SCTR: variants seen among roughly 807,000 people sequenced by gnomAD.
SCTR encodes pancreatic secretin receptor.
A neutral mutation model predicts 60.8 loss-of-function variants in SCTR; 56 were observed. The observed-to-expected ratio is 0.92, with a 90% confidence interval of 0.74 to 1.15. SCTR has a LOEUF of 1.15. Ranked by LOEUF, SCTR falls within the 50% of genes most tolerant of loss-of-function variation. The pLI, the probability that SCTR is intolerant of heterozygous loss-of-function variation, is 0.00. For synonymous variants in SCTR, 202 were observed against 217.0 expected, an observed-to-expected ratio of 0.93 and a Z score of 0.61; for missense variants, 562 against 550.4, an observed-to-expected ratio of 1.02 and a Z score of -0.21.
At chr2:119,468,516 G>A (rs571503765) in intron 4 of SCTR, among the ~76,000 whole-genome samples, 1 of 152,350 alleles carries the variant, frequency 6.6e-6, no homozygotes, top group Admixed American at 6.5e-5. Context: ...CTTGTTGGAA[G>A]AACAAATACA....
At chr2:119,499,992 C>T (rs1678481169) in intron 1 of SCTR, among the ~76,000 whole-genome samples, 2 of 151,998 alleles carry the variant, frequency 1.3e-5, no homozygotes, top group Admixed American at 1.3e-4. Flanking sequence ...ACTCAGACAA[C>T]TCAATAGCAA....
chr2:119,496,607 C>G (rs1678356886), intron 1 of SCTR, among the ~76,000 whole-genome samples: 1 of 152,154 alleles, frequency 6.6e-6, no homozygotes, highest in South Asian at 2.1e-4. Flanking sequence ...GGCCCTGGAG[C>G]CCAAGAATGA....
intron 6 of SCTR, 45 bp from the exon 7 acceptor site, chr2:119,462,045 G>A (rs1255891262): frequency 6.4e-7 from 1 of 1,565,486 alleles, no homozygotes; most frequent in African/African-American, 1.4e-5. Context: ...TGGCAGTGGG[G>A]TTCCCTCTGG....
chr2:119,518,158 G>A (rs1187518157), intron 1 of SCTR, among the ~76,000 whole-genome samples: 4 of 152,112 alleles, frequency 2.6e-5, no homozygotes, highest in Non-Finnish European at 4.4e-5. Context: ...CCAGAACCGC[G>A]AGATTAATTT....
At chr2:119,520,810 C>A (rs891994793) in intron 1 of SCTR, among the ~76,000 whole-genome samples, 1 of 152,124 alleles carries the variant, frequency 6.6e-6, no homozygotes, top group Non-Finnish European at 1.5e-5. Context: ...GACTCAGATG[C>A]CGTATCACCA....
At chr2:119,511,141 T>G (rs1172912694) in intron 1 of SCTR, among the ~76,000 whole-genome samples, 1 of 152,054 alleles carries the variant, frequency 6.6e-6, no homozygotes, top group East Asian at 1.9e-4. Context: ...AGGCAGAGCT[T>G]GCAGTGAGCC....
In SCTR at chr2:119,444,440, T is replaced by TATATATACGTACGTATATATATACAC. The variant is rs1558831332; in HGVS notation, c.1140+2293_1140+2318dup. ...ACCCATATACGTATGAATATACACA[T>TATATATACGTACGTATATATATACAC]ATATATACGTACGTATATATATACA... On this transcript the variant is annotated intron_variant, in intron 11 of 12. Coordinates refer to ENST00000019103, the MANE Select transcript of SCTR (RefSeq NM_002980.3). Among the ~76,000 whole-genome samples, 154 of 28,260 alleles carry TATATATACGTACGTATATATATACAC rather than the reference T, an allele frequency of 5.4e-3. 1 individual carries two copies. The highest frequency in any genetic ancestry group is 0.05 in the Middle Eastern group (1 of 20). The allele number at this position is 28,260 out of a possible 152,430, so 18.5% of individuals were successfully genotyped here.
rs571077034 is a variant in SCTR, at chr2:119,447,010, A to G, written c.1014-125T>C. 7.8e-5 allele frequency: 80 copies of G among 1,020,366 alleles called. No homozygotes were observed. The East Asian group carries it at 2.3e-3, about 30-fold the overall frequency. The allele number at this position is 1,020,366 out of a possible 1,614,324, so 63.2% of individuals were successfully genotyped here. On this transcript the variant is annotated intron_variant, in intron 10 of 12. Coordinates refer to ENST00000019103, the MANE Select transcript of SCTR (RefSeq NM_002980.3). ...GCTGAGGCTGGCTAGCAGTACCCCA[A>G]ACTTTTTTGTTTTCATTTTTTATTT...
At chr2:119,505,105 T>A (rs1415206372) in intron 1 of SCTR, among the ~76,000 whole-genome samples, 2 of 152,124 alleles carry the variant, frequency 1.3e-5, no homozygotes, top group Non-Finnish European at 2.9e-5. Flanking sequence ...GTTCAACCAT[T>A]GTGGAAGTCA....
chr2:119,458,330 G>A (rs575635032), intron 7 of SCTR, among the ~76,000 whole-genome samples: 113 of 150,078 alleles, frequency 7.5e-4, no homozygotes, highest in South Asian at 2.5e-3. Context: ...AGCCGGGCGT[G>A]GTGGCTCACG....
intron 11 of SCTR, 45 bp downstream of exon 11, chr2:119,446,714 G>C: frequency 7.0e-7 from 1 of 1,418,950 alleles, no homozygotes. Context: ...TAAGGACACA[G>C]AGAACTCCTC....
At chr2:119,468,160 T>C (rs190590247) in intron 4 of SCTR, among the ~76,000 whole-genome samples, 2 of 152,354 alleles carry the variant, frequency 1.3e-5, no homozygotes, top group African/African-American at 4.8e-5. Context: ...AGTTGTTATT[T>C]TCTTTTATAA....
At chr2:119,500,870 G>A (rs1190214808) in intron 1 of SCTR, among the ~76,000 whole-genome samples, 1 of 152,116 alleles carries the variant, frequency 6.6e-6, no homozygotes, top group Non-Finnish European at 1.5e-5. Flanking sequence ...ATAGCTAGAA[G>A]ACAATAATTT....
At chr2:119,442,501 T>G (rs2104748187) in intron 11 of SCTR, among the ~76,000 whole-genome samples, 1 of 152,330 alleles carries the variant, frequency 6.6e-6, no homozygotes, top group East Asian at 1.9e-4. Context: ...TGTAGCTACT[T>G]ATGATATTGG....
intron 7 of SCTR, 54 bp downstream of exon 7, chr2:119,461,793 C>G: frequency 6.7e-7 from 1 of 1,492,816 alleles, no homozygotes; most frequent in Non-Finnish European, 9.1e-7. Flanking sequence ...CGACTCTCGA[C>G]TCAGCACCCC....
At chr2:119,458,328 G>A (rs1245221613) in intron 7 of SCTR, among the ~76,000 whole-genome samples, 2 of 150,220 alleles carry the variant, frequency 1.3e-5, no homozygotes, top group East Asian at 3.9e-4. Context: ...AAAGCCGGGC[G>A]TGGTGGCTCA....
intron 2 of SCTR, among the ~76,000 whole-genome samples, chr2:119,492,874 ATTTATTTT>A (rs1364427355): frequency 2.2e-4 from 19 of 85,002 alleles, no homozygotes; most frequent in Admixed American, 1.1e-3. Context: ...TTATTTATTT[ATTTATTTT>A]GAGACAGAGT....
At position 119,473,360 on chromosome 2, in the gene SCTR, A is replaced by T. The variant is rs560106386; in HGVS notation, c.405+93T>A. 5.8e-4 allele frequency: 487 copies of T among 835,162 alleles called. 1 individual carries two copies. Among genetic ancestry groups the T allele is most frequent in the Admixed American group, 8.4e-4 (42 of 49,876 alleles). 51.7% of individuals were successfully genotyped at this position (835,162 alleles called of 1,614,324 possible). ...CTGACCACTGTCCCAGGCCTGTGCC[A>T]CCCTGTCCTCTCCCAGGGCCTCCTC... On this transcript the variant is annotated intron_variant, in intron 4 of 12. Transcript: ENST00000019103.
At chr2:119,480,060 T>C (rs966894193) in intron 2 of SCTR, among the ~76,000 whole-genome samples, 2 of 152,232 alleles carry the variant, frequency 1.3e-5, no homozygotes, top group Non-Finnish European at 2.9e-5. Context: ...TTCTCGTCCA[T>C]AGGCACAATA....
Sources: allele counts gnomAD v4.1 joint callset (sites outside exome capture counted in the v4.1 genomes callset), GRCh38; gene constraint gnomAD v4.1.1; transcripts MANE v1.5; gene names NCBI Gene and HGNC (gene_info 2026-07-23, HGNC 2026-07-21).